Variants in SVIL observed in about 807,000 individuals in gnomAD.
SVIL encodes the protein archvillin.
A neutral mutation model predicts 240.4 loss-of-function variants in SVIL; 101 were observed. The observed-to-expected ratio is 0.42, with a 90% CI of 0.36 to 0.50. The LOEUF is 0.50. Ranked by LOEUF, SVIL falls within the 20% of genes least tolerant of loss-of-function variation. SVIL has a pLI of 0.01. For synonymous variants in SVIL, 999 were observed against 1,100.0 expected (o/e 0.91, Z 1.82); for missense variants, 2,512 against 2,818.7 (o/e 0.89, Z 2.46).
At chr10:29,645,405 A>G (rs1958622736) in intron 3 of SVIL, among the ~76,000 whole-genome samples, 1 of 152,080 alleles carries the variant, frequency 6.6e-6, no homozygotes. Context: ...CCATGTCTCT[A>G]CTAAAAATAC....
At chr10:29,572,763 C>CAAAAAAAAAAAAAAAAAAAAAAAAAA (rs375180538) in intron 1 of SVIL, among the ~76,000 whole-genome samples, 1 of 81,322 alleles carries the variant, frequency 1.2e-5, no homozygotes, top group Admixed American at 1.6e-4. Context: ...GATCCTATCT[C>CAAAAAAAAAAAAAAAAAAAAAAAAAA]AAAAAAAAAA....
In SVIL at chr10:29,458,324, C is replaced by G; in HGVS notation, c.6568G>C (p.Asp2190His). 1 of 1,614,232 alleles carries G rather than the reference C, an allele frequency of 6.2e-7. No homozygotes were observed. Among genetic ancestry groups the G allele is most frequent in the East Asian group, 2.2e-5 (1 of 44,880 alleles). The change falls in exon 38 of 38, where the codon GAC (aspartate) becomes CAC (histidine). Residue 2190 changes from aspartate (D) to histidine (H), a missense_variant. Asp to His is a moderately conservative substitution (Grantham distance 81). This residue lies in a region of SVIL where 797 missense variants were observed against 925.3 expected (regional missense o/e 0.86). Coordinates refer to ENST00000355867, the MANE Select transcript of SVIL (RefSeq NM_021738.3). ...GCGTTGTATTCATCCCTCGTCATGT[C>G]TAGTGCAAACTGGAAACATTGGGAG... is the stretch of plus-strand genomic sequence containing the variant. ...LTDEDFEFAL[D>H]MTRDEYNALP...
chr10:29,517,243 T>C (rs1307605828), intron 16 of SVIL, among the ~76,000 whole-genome samples: 2 of 151,470 alleles, frequency 1.3e-5, no homozygotes, highest in Admixed American at 6.6e-5. Flanking sequence ...CAAGACCCCG[T>C]CTCTACAAAA....
rs997568743 is a variant in SVIL, at chr10:29,551,022, G to T, written c.402C>A (p.Ser134=). 6.2e-7 allele frequency: 1 copy of T among 1,614,084 alleles called. No individual in the cohort carries two copies. Among genetic ancestry groups the T allele is most frequent in the Non-Finnish European group, 8.5e-7 (1 of 1,180,016 alleles). ...LDPEADSEYL[S]RYTKSRKEPD... ...GCTCCTTCCTGGACTTGGTATAGCG[G>T]GATAAATACTCGGAGTCGGCCTCGG... Residue 134 remains serine, a synonymous_variant, in exon 6 of 38, where the codon TCC becomes TCA. Coordinates refer to ENST00000355867, the MANE Select transcript of SVIL (RefSeq NM_021738.3).
intron 16 of SVIL, among the ~76,000 whole-genome samples, chr10:29,515,834 T>C (rs1330252956): frequency 6.6e-6 from 1 of 152,202 alleles, no homozygotes; most frequent in African/African-American, 2.4e-5. Context: ...TGGTGGTTGC[T>C]TTGTGGCATC....
intron 2 of SVIL, among the ~76,000 whole-genome samples, chr10:29,686,073 A>C (rs1228215545): frequency 2.0e-5 from 3 of 152,248 alleles, no homozygotes; most frequent in African/African-American, 7.2e-5. Context: ...ATATGAATTT[A>C]AATATGGTTT....
intron 1 of SVIL, among the ~76,000 whole-genome samples, chr10:29,733,128 C>A (rs79709944): frequency 6.6e-6 from 1 of 152,142 alleles, no homozygotes; most frequent in Non-Finnish European, 1.5e-5. Context: ...ACAGTCAGTT[C>A]AGGGCAACTA....
Position 29,735,450 on chromosome 10 carries a change from C to A in SVIL, c.-400+301G>T, listed in dbSNP as rs1201984381. On this transcript the variant is annotated intron_variant, in intron 1 of 35. Transcript: ENST00000375400. The surrounding 1 kb of genome is among the most constrained non-coding windows in gnomAD (Gnocchi z 4.1). Reference sequence around the variant, plus strand: ...AGAAACCCTGCCCCGGCCCGCTCCTCCCCGAGGCGCGCTCCGGGGACGGAA... The same window carrying A: ...AGAAACCCTGCCCCGGCCCGCTCCTACCCGAGGCGCGCTCCGGGGACGGAA... Among the ~76,000 whole-genome samples, 2 of 151,932 alleles carry A rather than the reference C, an allele frequency of 1.3e-5. No homozygotes were observed. Among genetic ancestry groups the A allele is most frequent in the Non-Finnish European group, 2.9e-5 (2 of 67,940 alleles).
At chr10:29,641,556 G>T (rs187933428) in intron 3 of SVIL, among the ~76,000 whole-genome samples, 72 of 151,842 alleles carry the variant, frequency 4.7e-4, no homozygotes, top group Non-Finnish European at 8.8e-4. Context: ...TGACAAGAAC[G>T]AAACTCCATC....
intron 1 of SVIL, among the ~76,000 whole-genome samples, chr10:29,716,352 T>C (rs1589568022): frequency 1.3e-5 from 2 of 152,326 alleles, no homozygotes; most frequent in East Asian, 3.9e-4. Context: ...GAAAATTTTG[T>C]AGCAGTCCTA....
intron 17 of SVIL, among the ~76,000 whole-genome samples, chr10:29,500,368 T>C (rs984101284): frequency 1.3e-5 from 2 of 151,612 alleles, no homozygotes; most frequent in African/African-American, 4.9e-5. Flanking sequence ...GCACAGGAGG[T>C]GTGGAGCTAA....
intron 1 of SVIL, among the ~76,000 whole-genome samples, chr10:29,717,100 G>C (rs2132682824): frequency 6.6e-6 from 1 of 152,000 alleles, no homozygotes; most frequent in African/African-American, 2.4e-5. Flanking sequence ...GGGCGTGGTG[G>C]GGGGCCCCTG....
chr10:29,711,089 A>G (rs189691204), intron 1 of SVIL, among the ~76,000 whole-genome samples: 1 of 152,328 alleles, frequency 6.6e-6, no homozygotes, highest in Non-Finnish European at 1.5e-5. Flanking sequence ...ACACACACCA[A>G]AAAAACAAAC....
At chr10:29,610,013 C>T (rs547759779) in intron 1 of SVIL, among the ~76,000 whole-genome samples, 6 of 152,310 alleles carry the variant, frequency 3.9e-5, no homozygotes, top group African/African-American at 1.4e-4. Context: ...ACACTGTGAC[C>T]TCCCTCCCCC....
intron 5 of SVIL, 52 bp from the exon 6 acceptor site, chr10:29,551,315 A>T: frequency 6.7e-7 from 1 of 1,484,302 alleles, no homozygotes; most frequent in South Asian, 1.3e-5. Flanking sequence ...AAAGACATGT[A>T]TTTACACACA....
rs147947271 is a variant in SVIL, at chr10:29,486,541, G to A, written c.4502C>T (p.Thr1501Ile). Reference sequence around the variant, plus strand: ...AAGTTCCCTCTTTGTCTGAATTAAAGTTGCAAGTTCTGAGGCCTAAAAAAG... The same window carrying A: ...AAGTTCCCTCTTTGTCTGAATTAAAATTGCAAGTTCTGAGGCCTAAAAAAG... ...IEKAKASELATLIQTKRELGC... is the reference protein window; with the variant it reads ...IEKAKASELAILIQTKRELGC... Residue 1501 changes from threonine to isoleucine, a missense_variant, in exon 25 of 38, where the codon ACT becomes ATT. Physicochemically the swap from Thr to Ile is moderately conservative, Grantham distance 89. This residue lies in a region of SVIL where 797 missense variants were observed against 925.3 expected (regional missense o/e 0.86). Transcript: ENST00000355867. 1.9e-6 allele frequency: 3 copies of A among 1,614,044 alleles called. No homozygotes were observed. Among genetic ancestry groups the A allele is most frequent in the African/African-American group, 2.7e-5 (2 of 74,928 alleles).
chr10:29,613,019 T>C (rs1416213209), intron 1 of SVIL, among the ~76,000 whole-genome samples: 1 of 151,692 alleles, frequency 6.6e-6, no homozygotes, highest in Non-Finnish European at 1.5e-5. Context: ...CTACTAAAAA[T>C]ACAAAAAACT....
intron 16 of SVIL, among the ~76,000 whole-genome samples, chr10:29,521,101 T>A (rs1315960219): frequency 6.6e-6 from 1 of 151,468 alleles, no homozygotes; most frequent in Non-Finnish European, 1.5e-5. Flanking sequence ...TGTGCGTCTG[T>A]AGTCCCAGCC....
At chr10:29,465,468 G>T in intron 34 of SVIL, 127 bp downstream of exon 34, 1 of 1,198,332 alleles carries the variant, frequency 8.3e-7, no homozygotes, top group South Asian at 1.7e-5. Context: ...GTAAGCACAT[G>T]TTCTGGGTGC....
Sources: allele counts gnomAD v4.1 joint callset (sites outside exome capture counted in the v4.1 genomes callset), GRCh38; gene constraint gnomAD v4.1.1; regional missense constraint gnomAD v4.1.1; non-coding constraint Gnocchi (gnomAD v3.1); transcripts MANE v1.5; gene names NCBI Gene and HGNC (gene_info 2026-07-23, HGNC 2026-07-21).